ALG5: variants seen among roughly 807,000 people sequenced by gnomAD.
The protein encoded by ALG5 is dolichyl-phosphate beta-glucosyltransferase.
A neutral mutation model predicts 51.8 loss-of-function variants in ALG5; 26 were observed. The ratio of observed to expected loss-of-function variants is 0.50; its 90% CI spans 0.37 to 0.70. The LOEUF (loss-of-function observed/expected upper bound fraction) is 0.70. ALG5 is among the 30% of genes least tolerant of loss of function. ALG5 has a pLI of 0.00. For synonymous variants in ALG5, 141 were observed against 136.1 expected, an observed-to-expected ratio of 1.04 and a Z score of -0.25; for missense variants, 311 against 399.3, an observed-to-expected ratio of 0.78 and a Z score of 1.88.
chr13:36,985,550 T>G (rs1010857204), intron 6 of ALG5, 77 bp downstream of exon 6: 13 of 1,185,672 alleles, frequency 1.1e-5, no homozygotes, highest in Non-Finnish European at 1.6e-5. Context: ...AACTGATAGG[T>G]AAACTCTCCT....
chr13:36,998,433 C>G (rs1460222686), intron 1 of ALG5, among the ~76,000 whole-genome samples: 1 of 152,148 alleles, frequency 6.6e-6, no homozygotes. Context: ...GGTGGCTAAT[C>G]TGAATGTCAA....
chr13:36,981,119 T>G (rs193019563), intron 6 of ALG5, among the ~76,000 whole-genome samples: 1 of 152,188 alleles, frequency 6.6e-6, no homozygotes, highest in African/African-American at 2.4e-5. Context: ...AAAGAAATTG[T>G]AGGCAACTTT....
intron 9 of ALG5, among the ~76,000 whole-genome samples, chr13:36,951,525 G>A (rs9547706): frequency 1.3e-5 from 2 of 152,186 alleles, no homozygotes; most frequent in African/African-American, 4.8e-5. Context: ...GCTGGACTTC[G>A]AAAAAGTCTC....
intron 6 of ALG5, among the ~76,000 whole-genome samples, chr13:36,982,162 A>G (rs781369527): frequency 1.3e-5 from 2 of 152,218 alleles, no homozygotes; most frequent in Non-Finnish European, 2.9e-5. Flanking sequence ...GAGAATACAC[A>G]TGGAAAACAG....
intron 8 of ALG5, among the ~76,000 whole-genome samples, chr13:36,961,955 A>G (rs961986132): frequency 3.9e-5 from 6 of 152,024 alleles, no homozygotes; most frequent in African/African-American, 1.4e-4. Context: ...CTAATTTTTA[A>G]AAATGTATTT....
intron 6 of ALG5, among the ~76,000 whole-genome samples, chr13:36,972,521 G>GA (rs2058929072): frequency 2.0e-5 from 3 of 151,750 alleles, no homozygotes; most frequent in Admixed American, 2.0e-4. Flanking sequence ...TATAATCGAA[G>GA]CATTTATAAC....
intron 4 of ALG5, among the ~76,000 whole-genome samples, chr13:36,992,716 G>A (rs2059030964): frequency 6.6e-6 from 1 of 151,942 alleles, no homozygotes; most frequent in Non-Finnish European, 1.5e-5. Context: ...GTGCCCCCTT[G>A]GTCTGAAACG....
At chr13:36,968,700 C>G (rs1008571661) in intron 7 of ALG5, among the ~76,000 whole-genome samples, 3 of 152,200 alleles carry the variant, frequency 2.0e-5, no homozygotes, top group Non-Finnish European at 2.9e-5. Context: ...TTGTCATTTG[C>G]TATCTTGATT....
intron 8 of ALG5, among the ~76,000 whole-genome samples, chr13:36,959,323 T>C (rs1023372964): frequency 6.6e-6 from 1 of 152,184 alleles, no homozygotes; most frequent in Non-Finnish European, 1.5e-5. Context: ...TAATGTGTTG[T>C]ACATTTCAAA....
intron 8 of ALG5, among the ~76,000 whole-genome samples, chr13:36,963,693 T>TA (rs2058878743): frequency 6.6e-6 from 1 of 152,254 alleles, no homozygotes; most frequent in Admixed American, 6.5e-5. Flanking sequence ...AACAAGATTT[T>TA]AAAAAGTCTG....
At chr13:36,976,584 C>A (rs1049176363) in intron 6 of ALG5, among the ~76,000 whole-genome samples, 1 of 151,940 alleles carries the variant, frequency 6.6e-6, no homozygotes. Flanking sequence ...CTCATTTCTA[C>A]TAAAAATACA....
Position 36,990,485 on chromosome 13 carries a change from C to T in ALG5, c.355-909G>A, listed in dbSNP as rs558404185. ...TAAATGCTGATAATCCACACAAGGA[C>T]TGACTCTACACTGTACATACAGCTA... On this transcript the variant is annotated intron_variant, in intron 4 of 9. Coordinates refer to ENST00000239891, the MANE Select transcript of ALG5 (RefSeq NM_013338.5). 6.6e-5 allele frequency among the ~76,000 whole-genome samples: 10 copies of T among 152,348 alleles called. No individual in the cohort carries two copies. The South Asian group carries it at 2.1e-3, about 32-fold the overall frequency.
intron 4 of ALG5, among the ~76,000 whole-genome samples, chr13:36,991,164 C>G (rs17054792): frequency 0.03 from 4,552 of 152,216 alleles, 203 homozygotes; most frequent in African/African-American, 0.1. Context: ...CAGACCATAC[C>G]ACGGTCTTAC....
chr13:36,978,992 C>T (rs1566063974), intron 6 of ALG5, among the ~76,000 whole-genome samples: 1 of 150,722 alleles, frequency 6.6e-6, no homozygotes, highest in Non-Finnish European at 1.5e-5. Context: ...GAGTGCTGAA[C>T]ACATGCTAAA....
At chr13:36,989,407 C>T (rs1040063493) in intron 5 of ALG5, 77 bp downstream of exon 5, 8 of 1,064,230 alleles carry the variant, frequency 7.5e-6, no homozygotes, top group Non-Finnish European at 1.1e-5. Context: ...AAGCAGTGGG[C>T]AAACATACAA....
chr13:36,991,941 A>G (rs2059027256), intron 4 of ALG5, among the ~76,000 whole-genome samples: 1 of 152,134 alleles, frequency 6.6e-6, no homozygotes, highest in African/African-American at 2.4e-5. Flanking sequence ...CCCAGAGATG[A>G]TTCTTAAAGT....
At chr13:36,958,815 C>A (rs535041992) in intron 8 of ALG5, among the ~76,000 whole-genome samples, 1 of 152,136 alleles carries the variant, frequency 6.6e-6, no homozygotes, top group African/African-American at 2.4e-5. Context: ...TAGGCTAAAG[C>A]AGGAGGTAAA....
chr13:36,964,847 C>T (rs936443050), intron 8 of ALG5, among the ~76,000 whole-genome samples: 4 of 150,872 alleles, frequency 2.7e-5, no homozygotes, highest in South Asian at 2.1e-4. Flanking sequence ...ATCACTTGAA[C>T]GCGGGAGGCG....
intron 6 of ALG5, among the ~76,000 whole-genome samples, chr13:36,976,501 A>C (rs1388441250): frequency 6.6e-6 from 1 of 151,280 alleles, no homozygotes; most frequent in African/African-American, 2.4e-5. Flanking sequence ...TAATCCCAGC[A>C]CTTTGGGAGG....
Sources: allele counts gnomAD v4.1 joint callset (sites outside exome capture counted in the v4.1 genomes callset), GRCh38; gene constraint gnomAD v4.1.1; transcripts MANE v1.5; gene names NCBI Gene and HGNC (gene_info 2026-07-23, HGNC 2026-07-21).